SPEF2: variants seen among roughly 807,000 people sequenced by gnomAD.
The protein encoded by SPEF2 is sperm flagella and cilia-associated protein 2.
A neutral mutation model predicts 224.6 loss-of-function variants in SPEF2; 187 were observed. That is an observed-to-expected ratio of 0.83 (90% confidence interval 0.74 to 0.94). The LOEUF (loss-of-function observed/expected upper bound fraction) is 0.94, where lower values mean the gene tolerates loss of function less well. SPEF2 is among the 40% of genes least tolerant of loss of function. The pLI is 0.00. For missense variants in SPEF2, 2,170 were observed against 2,135.6 expected, an observed-to-expected ratio of 1.02 and a Z score of -0.32; for synonymous variants, 715 against 707.3, an observed-to-expected ratio of 1.01 and a Z score of -0.17.
chr5:35,663,812 C>A (rs1049352435), intron 8 of SPEF2, among the ~76,000 whole-genome samples: 1 of 152,158 alleles, frequency 6.6e-6, no homozygotes, highest in African/African-American at 2.4e-5. Flanking sequence ...AAGGGCCAAG[C>A]CATCTTGGAA....
chr5:35,705,185 G>C (rs1286154225), intron 17 of SPEF2, among the ~76,000 whole-genome samples: 2 of 151,700 alleles, frequency 1.3e-5, no homozygotes, highest in Admixed American at 6.6e-5. Flanking sequence ...TCTCCAGGAA[G>C]AAAAAAACAG....
At position 35,644,341 on chromosome 5, in the gene SPEF2, C is replaced by G. The variant is rs371920891; in HGVS notation, c.415-14C>G. 2 of 1,478,286 alleles carry G rather than the reference C, an allele frequency of 1.4e-6. No homozygotes were observed. The highest frequency in any genetic ancestry group is 1.5e-5 in the South Asian group (1 of 68,002). 91.6% of individuals were successfully genotyped at this position (1,478,286 alleles called of 1,614,324 possible). A position where few individuals can be genotyped will look rare whatever the true frequency, so the allele number is the denominator to read the frequency against. On this transcript the variant is annotated splice_polypyrimidine_tract_variant and intron_variant, in intron 3 of 36. Coordinates refer to ENST00000356031, the MANE Select transcript of SPEF2 (RefSeq NM_024867.4). ...TTCTCTAATAAAATCTTTTGAAATG[C>G]TTTTTTCATTTAGAGACTTAGACAC...
intron 30 of SPEF2, among the ~76,000 whole-genome samples, chr5:35,782,548 A>C (rs1325485294): frequency 6.6e-6 from 1 of 152,178 alleles, no homozygotes; most frequent in Non-Finnish European, 1.5e-5. Context: ...AAAAGCACTG[A>C]TGTTACTAAA....
At chr5:35,643,450 C>T (rs1316436505) in intron 3 of SPEF2, 1 of 455,320 alleles carries the variant, frequency 2.2e-6, no homozygotes, top group Non-Finnish European at 4.4e-6. Flanking sequence ...AAGAAGAGAA[C>T]AGTAGGAGAG....
chr5:35,661,285 T>TAG (rs1749698299), intron 8 of SPEF2, among the ~76,000 whole-genome samples: 2 of 70,870 alleles, frequency 2.8e-5, no homozygotes, highest in African/African-American at 1.2e-4. Context: ...TATATATATA[T>TAG]ATATATATAT....
At chr5:35,811,053 G>A (rs1358086003) in intron 36 of SPEF2, among the ~76,000 whole-genome samples, 4 of 150,172 alleles carry the variant, frequency 2.7e-5, no homozygotes, top group Non-Finnish European at 4.4e-5. Context: ...GTGAAAAAGG[G>A]TCCCTTTCCA....
At chr5:35,779,911 T>C (rs533901346) in intron 30 of SPEF2, among the ~76,000 whole-genome samples, 41 of 152,360 alleles carry the variant, frequency 2.7e-4, no homozygotes, top group Admixed American at 4.6e-4. Flanking sequence ...AGCATGGACC[T>C]ACAGCATCTG....
At chr5:35,668,833 A>G (rs1181728113) in intron 9 of SPEF2, among the ~76,000 whole-genome samples, 1 of 152,080 alleles carries the variant, frequency 6.6e-6, no homozygotes, top group Non-Finnish European at 1.5e-5. Context: ...GTGGGTTGCA[A>G]TCATGAAGCC....
In SPEF2 at chr5:35,807,113, T is replaced by A; in HGVS notation, c.5257-18T>A. ...GGATTGTGAGGTTGATTAACTTCAT[T>A]TTTTTTCTTCCTTAAAGGGCTTCAT... On this transcript the variant is annotated intron_variant, in intron 35 of 36. Transcript: ENST00000356031. The A allele has an allele frequency of 6.3e-7, 1 of 1,598,092 alleles. No individual in the cohort carries two copies. Among genetic ancestry groups the A allele is most frequent in the Non-Finnish European group, 8.5e-7 (1 of 1,176,196 alleles).
intron 30 of SPEF2, among the ~76,000 whole-genome samples, chr5:35,786,470 A>G (rs1000562404): frequency 1.6e-4 from 25 of 151,932 alleles, no homozygotes; most frequent in African/African-American, 6.0e-4. Flanking sequence ...GACCAGCCTG[A>G]CCAATATGGT....
At chr5:35,708,679 ACCT>A (rs370251373) in intron 18 of SPEF2, among the ~76,000 whole-genome samples, 24 of 6,020 alleles carry the variant, frequency 4.0e-3, no homozygotes, top group East Asian at 0.018. Flanking sequence ...CACCATCACC[ACCT>A]CTACCTCCAT....
chr5:35,724,049 T>A (rs1332002177), intron 20 of SPEF2, among the ~76,000 whole-genome samples: 1 of 152,198 alleles, frequency 6.6e-6, no homozygotes. Flanking sequence ...CTACACAAGA[T>A]GATTTACATA....
At chr5:35,787,663 T>G (rs1206070039) in intron 30 of SPEF2, among the ~76,000 whole-genome samples, 2 of 152,184 alleles carry the variant, frequency 1.3e-5, no homozygotes, top group Non-Finnish European at 2.9e-5. Context: ...CAGTGCATTT[T>G]CTGAACCATA....
chr5:35,641,816 G>A lies in SPEF2; in HGVS notation c.414+133G>A, dbSNP rs865855075. 17 of 928,066 alleles carry A rather than the reference G, an allele frequency of 1.8e-5. No homozygotes were observed. In the Middle Eastern group the frequency reaches 1.0e-3, roughly 56 times the overall value. The allele number at this position is 928,066 out of a possible 1,614,324, so 57.5% of individuals were successfully genotyped here. On this transcript the variant is annotated intron_variant, in intron 3 of 36. Transcript: ENST00000356031. ...TTTATGTATGTTACTGGCCATACTT[G>A]GGTTTTATTTTATATTAATAATTTG...
At chr5:35,620,257 G>A (rs1186447015) in intron 1 of SPEF2, among the ~76,000 whole-genome samples, 1 of 152,184 alleles carries the variant, frequency 6.6e-6, no homozygotes, top group Non-Finnish European at 1.5e-5. Flanking sequence ...ATGGTTTGTA[G>A]AATCTATCAT....
chr5:35,694,166 A>T, intron 12 of SPEF2, 122 bp from the exon 13 acceptor site: 1 of 714,342 alleles, frequency 1.4e-6, no homozygotes, highest in Non-Finnish European at 2.3e-6. Context: ...TAAAATCATT[A>T]ATGTTATAGA....
At chr5:35,685,733 G>GA (rs1377812261) in intron 10 of SPEF2, among the ~76,000 whole-genome samples, 2 of 151,442 alleles carry the variant, frequency 1.3e-5, no homozygotes, top group Admixed American at 6.6e-5. Flanking sequence ...TGACTGAAAT[G>GA]AAAAAAATGT....
intron 23 of SPEF2, among the ~76,000 whole-genome samples, chr5:35,747,189 G>A (rs1199331645): frequency 1.3e-5 from 2 of 151,988 alleles, no homozygotes; most frequent in Non-Finnish European, 2.9e-5. Flanking sequence ...AACAAATCCT[G>A]GAAACACATC....
At chr5:35,753,569 G>C in intron 23 of SPEF2, 55 bp from the exon 24 acceptor site, 1 of 1,608,616 alleles carries the variant, frequency 6.2e-7, no homozygotes, top group Non-Finnish European at 8.5e-7. Flanking sequence ...ATTGCACCTA[G>C]GTGATTTGAG....
Sources: allele counts gnomAD v4.1 joint callset (sites outside exome capture counted in the v4.1 genomes callset), GRCh38; gene constraint gnomAD v4.1.1; transcripts MANE v1.5; gene names NCBI Gene and HGNC (gene_info 2026-07-23, HGNC 2026-07-21).